Variants in DOCK1 observed in about 807,000 individuals in gnomAD.
The protein encoded by DOCK1 is dedicator of cytokinesis 1.
Under a neutral mutation model 262.7 loss-of-function variants are expected in DOCK1, and 138 were observed. The observed-to-expected ratio is 0.53, with a 90% CI of 0.46 to 0.61. DOCK1 has a LOEUF of 0.61. DOCK1 is among the 20% of genes least tolerant of loss of function. The probability of loss-of-function intolerance (pLI) is 0.00; values close to 1 mark genes in which losing one functional copy is unlikely to be tolerated. For synonymous variants in DOCK1, 866 were observed against 867.4 expected (o/e 1.00, Z 0.03); for missense variants, 1,908 against 2,370.7 (o/e 0.80, Z 4.05).
At chr10:127,322,318 TA>T in intron 29 of DOCK1, among the ~76,000 whole-genome samples, 3 of 148,822 alleles carry the variant, frequency 2.0e-5, no homozygotes, top group Middle Eastern at 3.4e-3. Context: ...GCCTCCTAAG[TA>T]GCTGGGATTA....
chr10:127,251,927 T>C (rs1471712943), intron 28 of DOCK1, among the ~76,000 whole-genome samples: 3 of 151,972 alleles, frequency 2.0e-5, no homozygotes, highest in Non-Finnish European at 4.4e-5. Flanking sequence ...AAATGGTATT[T>C]CTAGTTCTAG....
intron 1 of DOCK1, among the ~76,000 whole-genome samples, chr10:126,953,092 G>T (rs1262089791): frequency 6.6e-6 from 1 of 151,002 alleles, no homozygotes; most frequent in Non-Finnish European, 1.5e-5. Flanking sequence ...TAGTATTTTG[G>T]TGATGGTTGT....
chr10:127,292,183 G>T (rs929104065), intron 29 of DOCK1, among the ~76,000 whole-genome samples: 27 of 152,136 alleles, frequency 1.8e-4, no homozygotes, highest in African/African-American at 6.0e-4. Context: ...CCAGGTCTCT[G>T]CATTAATTTT....
intron 18 of DOCK1, among the ~76,000 whole-genome samples, chr10:127,035,706 C>G (rs1033056592): frequency 1.3e-5 from 2 of 152,086 alleles, no homozygotes; most frequent in African/African-American, 2.4e-5. Context: ...ACTTCACTTT[C>G]ACTTAGAAAT....
chr10:127,347,389 C>T (rs959358432), intron 31 of DOCK1, among the ~76,000 whole-genome samples: 3 of 152,314 alleles, frequency 2.0e-5, no homozygotes, highest in South Asian at 4.2e-4. Flanking sequence ...CTTGGCAGCC[C>T]GGAGACGGCC....
At chr10:127,086,602 A>G (rs1193261975) in intron 23 of DOCK1, among the ~76,000 whole-genome samples, 1 of 152,200 alleles carries the variant, frequency 6.6e-6, no homozygotes, top group Admixed American at 6.5e-5. Context: ...ATGAATATGT[A>G]TATAACAGTT....
At chr10:127,258,210 T>C (rs1189651129) in intron 29 of DOCK1, among the ~76,000 whole-genome samples, 1 of 152,174 alleles carries the variant, frequency 6.6e-6, no homozygotes, top group Non-Finnish European at 1.5e-5. Flanking sequence ...TACTGTGGAC[T>C]CCACCACCAC....
rs900437227 is a variant in DOCK1, at chr10:127,153,779, G to A, written c.2847+26015G>A. 2.2e-5 allele frequency: 26 copies of A among 1,180,602 alleles called. No homozygotes were observed. The Middle Eastern group carries it at 7.7e-4, about 35-fold the overall frequency. 73.1% of individuals were successfully genotyped at this position (1,180,602 alleles called of 1,614,324 possible). ...AATCATCCCAGCATGGCCCCAGATC[G>A]TTCTTGCATTTGTGGGTAAACATCA... On this transcript the variant is annotated intron_variant, in intron 27 of 51. Transcript: ENST00000623213.
chr10:127,017,518 C>A (rs957202417), intron 12 of DOCK1, among the ~76,000 whole-genome samples: 2 of 149,930 alleles, frequency 1.3e-5, no homozygotes, highest in Non-Finnish European at 3.0e-5. Context: ...CAGACACACA[C>A]GTGTACAGAC....
intron 49 of DOCK1, 30 bp from the exon 50 acceptor site, chr10:127,444,096 A>G (rs2070370633): frequency 1.3e-6 from 2 of 1,551,386 alleles, no homozygotes; most frequent in African/African-American, 2.7e-5. Context: ...AACAGACCGT[A>G]ACTGTGCTCT....
chr10:127,149,482 A>G (rs2052264374), intron 27 of DOCK1, among the ~76,000 whole-genome samples: 1 of 152,186 alleles, frequency 6.6e-6, no homozygotes, highest in Non-Finnish European at 1.5e-5. Context: ...TGGCAAAGGT[A>G]CCCATTTATT....
chr10:127,076,652 C>T (rs950373128), intron 23 of DOCK1, among the ~76,000 whole-genome samples: 1 of 152,202 alleles, frequency 6.6e-6, no homozygotes, highest in African/African-American at 2.4e-5. Flanking sequence ...CCCCAGCACC[C>T]TGATTTCTCC....
At chr10:127,213,222 A>G (rs1047805392) in intron 27 of DOCK1, among the ~76,000 whole-genome samples, 10 of 152,206 alleles carry the variant, frequency 6.6e-5, no homozygotes, top group Admixed American at 2.0e-4. Flanking sequence ...TTGATTTTTA[A>G]GACAGTACTT....
At chr10:126,981,851 A>T in intron 3 of DOCK1, 67 bp from the exon 4 acceptor site, 1 of 1,522,534 alleles carries the variant, frequency 6.6e-7, no homozygotes, top group Admixed American at 2.0e-5. Context: ...TTTGGGAACT[A>T]TTGTTTGATT....
intron 1 of DOCK1, among the ~76,000 whole-genome samples, chr10:126,936,409 G>A (rs1825794569): frequency 6.6e-6 from 1 of 152,294 alleles, no homozygotes; most frequent in South Asian, 2.1e-4. Context: ...CAGTGCATAG[G>A]CTCATAAGCA....
intron 31 of DOCK1, among the ~76,000 whole-genome samples, chr10:127,349,075 A>G (rs2063766429): frequency 1.3e-5 from 2 of 151,964 alleles, no homozygotes; most frequent in African/African-American, 4.8e-5. Context: ...GTTGTTTTTG[A>G]TGTCCCACCC....
chr10:127,163,842 G>A (rs936900435), intron 27 of DOCK1, among the ~76,000 whole-genome samples: 4 of 145,908 alleles, frequency 2.7e-5, no homozygotes, highest in Admixed American at 6.9e-5. Flanking sequence ...CCTGGTGGAC[G>A]TGTTCCAGGA....
At chr10:126,941,647 C>A (rs1041910100) in intron 1 of DOCK1, among the ~76,000 whole-genome samples, 1 of 152,016 alleles carries the variant, frequency 6.6e-6, no homozygotes, top group Non-Finnish European at 1.5e-5. Flanking sequence ...TCCCGCTACT[C>A]GGGAGGCTGA....
intron 29 of DOCK1, among the ~76,000 whole-genome samples, chr10:127,321,877 C>T (rs2062546907): frequency 6.6e-6 from 1 of 152,020 alleles, no homozygotes; most frequent in South Asian, 2.1e-4. Context: ...CCAAGGCGGG[C>T]CAATCACCTG....
Sources: gnomAD v4.1 joint callset for allele counts (sites outside exome capture counted in the v4.1 genomes callset) on GRCh38, gnomAD v4.1.1 for gene constraint, MANE v1.5 for transcripts, NCBI Gene and HGNC (gene_info 2026-07-23, HGNC 2026-07-21) for gene names.